VAV3: variants seen among roughly 807,000 people sequenced by gnomAD.
VAV3 encodes the protein vav guanine nucleotide exchange factor 3.
In VAV3, 94 loss-of-function variants were observed where a neutral mutation model predicts 131.2. The observed-to-expected ratio is 0.72, with a 90% CI of 0.61 to 0.85. VAV3 has a LOEUF of 0.85. Ranked by LOEUF, VAV3 falls within the 40% of genes least tolerant of loss-of-function variation. The pLI, the probability that VAV3 is intolerant of heterozygous loss-of-function variation, is 0.00. For missense variants in VAV3, 939 were observed against 1,002.7 expected, an observed-to-expected ratio of 0.94 and a Z score of 0.86; for synonymous variants, 349 against 342.0, an observed-to-expected ratio of 1.02 and a Z score of -0.22.
At chr1:107,746,148 A>C (rs1409133626) in intron 15 of VAV3, among the ~76,000 whole-genome samples, 1 of 152,248 alleles carries the variant, frequency 6.6e-6, no homozygotes, top group Non-Finnish European at 1.5e-5. Flanking sequence ...TATGAGCATC[A>C]GACAGGCAAA....
chr1:107,666,633 G>C (rs534580620), intron 19 of VAV3, among the ~76,000 whole-genome samples: 1 of 149,666 alleles, frequency 6.7e-6, no homozygotes, highest in East Asian at 2.0e-4. Context: ...GCAGTGGCAC[G>C]ATCTCAGCTC....
intron 2 of VAV3, among the ~76,000 whole-genome samples, chr1:107,786,996 C>G (rs74951970): frequency 0.013 from 2,000 of 152,268 alleles, 47 homozygotes; most frequent in African/African-American, 0.046. Context: ...CACACATACA[C>G]ACATACACAC....
At position 107,707,345 on chromosome 1, in the gene VAV3, A is replaced by C. The variant is rs78182911; in HGVS notation, c.1503-2284T>G. 0.012 allele frequency among the ~76,000 whole-genome samples: 1,811 copies of C among 152,326 alleles called. 76 individuals are homozygous for C. The East Asian group carries it at 0.14, about 12-fold the overall frequency. Reference sequence around the variant, plus strand: ...ACCTGGGCTTACATCCTAACTTGCAAATCAGTAGCAGCGTGATCTTAGGCA... The same window carrying C: ...ACCTGGGCTTACATCCTAACTTGCACATCAGTAGCAGCGTGATCTTAGGCA... On this transcript the variant is annotated intron_variant, in intron 15 of 26. Coordinates refer to ENST00000370056, the MANE Select transcript of VAV3 (RefSeq NM_006113.5).
chr1:107,958,449 G>A (rs1674920674), intron 1 of VAV3, among the ~76,000 whole-genome samples: 1 of 152,040 alleles, frequency 6.6e-6, no homozygotes, highest in Non-Finnish European at 1.5e-5. Flanking sequence ...AGCTTAGAAG[G>A]AAATCTCACA....
Position 107,573,177 on chromosome 1 carries a change from C to A in VAV3, c.*154G>T. 1.3e-6 allele frequency: 1 copy of A among 773,994 alleles called. No individual in the cohort carries two copies. The highest frequency in any genetic ancestry group is 3.0e-5 in the Admixed American group (1 of 33,374). 47.9% of individuals were successfully genotyped at this position (773,994 alleles called of 1,614,324 possible). ...TCAGTACCAGCATCTTTAGAAATCT[C>A]AGCATTAAGACTTAGGAGGGGCTAA... On this transcript the variant is annotated 3_prime_UTR_variant, in exon 27 of 27. Transcript: ENST00000370056.
intron 15 of VAV3, among the ~76,000 whole-genome samples, chr1:107,725,092 T>A (rs1174991174): frequency 1.3e-5 from 2 of 152,082 alleles, no homozygotes; most frequent in Non-Finnish European, 2.9e-5. Context: ...GACAGTGACA[T>A]CAGGAGTGAA....
chr1:107,814,931 C>T (rs1216776839), intron 2 of VAV3, among the ~76,000 whole-genome samples: 1 of 152,094 alleles, frequency 6.6e-6, no homozygotes, highest in Non-Finnish European at 1.5e-5. Context: ...AAGTGGTATA[C>T]CTGAGCCTGA....
intron 1 of VAV3, among the ~76,000 whole-genome samples, chr1:107,878,464 A>C (rs938644082): frequency 6.6e-6 from 1 of 152,104 alleles, no homozygotes. Context: ...CTTTAATGAC[A>C]TTGACTTTTT....
chr1:107,626,960 G>A (rs959416449), intron 20 of VAV3, among the ~76,000 whole-genome samples: 3 of 152,138 alleles, frequency 2.0e-5, no homozygotes, highest in Non-Finnish European at 2.9e-5. Context: ...AATTCTACTG[G>A]AGCTAATATT....
chr1:107,583,938 C>T (rs925358386), intron 25 of VAV3, among the ~76,000 whole-genome samples: 37 of 151,962 alleles, frequency 2.4e-4, no homozygotes, highest in African/African-American at 6.5e-4. Context: ...AAAAAGAGCC[C>T]GCATCGCCAA....
chr1:107,587,746 A>C (rs1650614572), intron 25 of VAV3, among the ~76,000 whole-genome samples: 1 of 152,044 alleles, frequency 6.6e-6, no homozygotes, highest in Admixed American at 6.6e-5. Context: ...GCGTGCCACC[A>C]CACCGGGCTA....
At chr1:107,838,654 G>A (rs1322429909) in intron 2 of VAV3, among the ~76,000 whole-genome samples, 4 of 152,050 alleles carry the variant, frequency 2.6e-5, no homozygotes, top group Non-Finnish European at 4.4e-5. Context: ...ACATGCATCC[G>A]TACATTCATT....
chr1:107,890,756 T>G (rs890037772), intron 1 of VAV3, among the ~76,000 whole-genome samples: 1 of 152,218 alleles, frequency 6.6e-6, no homozygotes, highest in Non-Finnish European at 1.5e-5. Flanking sequence ...GTAAATACCT[T>G]AATTTCTGTG....
chr1:107,640,649 C>T (rs746446654), intron 20 of VAV3, among the ~76,000 whole-genome samples: 3 of 152,076 alleles, frequency 2.0e-5, no homozygotes, highest in Admixed American at 1.3e-4. Context: ...CACAGTTTAC[C>T]ATCCATCTCA....
chr1:107,576,566 C>T, intron 25 of VAV3: 2 of 1,050,786 alleles, frequency 1.9e-6, no homozygotes, highest in Non-Finnish European at 2.6e-6. Flanking sequence ...CACTTCTTTC[C>T]TATCACCATT....
At chr1:107,833,783 G>A (rs1444458163) in intron 2 of VAV3, among the ~76,000 whole-genome samples, 2 of 152,208 alleles carry the variant, frequency 1.3e-5, no homozygotes, top group Non-Finnish European at 2.9e-5. Flanking sequence ...GGTCTAGGGA[G>A]TCACTTGGAT....
At position 107,688,371 on chromosome 1, in the gene VAV3, T is replaced by C; in HGVS notation, c.1731+10A>G. 6.2e-6 allele frequency: 10 copies of C among 1,612,326 alleles called. No homozygotes were observed. Among genetic ancestry groups the C allele is most frequent in the Non-Finnish European group, 8.5e-6 (10 of 1,179,228 alleles). On this transcript the variant is annotated intron_variant, in intron 18 of 26. Transcript: ENST00000370056. The stretch of plus-strand genomic sequence containing the variant: ...AAGGTTATAAAAAATATTTAAAATG[T>C]TAATCTTACCTCTGGTAGTTTGAGT...
At chr1:107,862,223 T>C (rs1398099693) in intron 2 of VAV3, among the ~76,000 whole-genome samples, 1 of 151,534 alleles carries the variant, frequency 6.6e-6, no homozygotes, top group African/African-American at 2.4e-5. Context: ...TCCACACAGC[T>C]GCAGTGACTG....
chr1:107,758,053 T>C (rs1252325380), intron 10 of VAV3, among the ~76,000 whole-genome samples: 1 of 152,142 alleles, frequency 6.6e-6, no homozygotes, highest in Non-Finnish European at 1.5e-5. Flanking sequence ...TCCCCAAACT[T>C]AATCAATCTT....
Sources: allele counts gnomAD v4.1 joint callset (sites outside exome capture counted in the v4.1 genomes callset), GRCh38; gene constraint gnomAD v4.1.1; transcripts MANE v1.5; gene names NCBI Gene and HGNC (gene_info 2026-07-23, HGNC 2026-07-21).